The following SNTB1 variants were observed in gnomAD, a reference collection of about 807,000 sequenced individuals.
The protein encoded by SNTB1 is syntrophin beta 1, also known as beta-1-syntrophin.
In SNTB1, 36 loss-of-function variants were observed where a neutral mutation model predicts 48.9. That is an observed-to-expected ratio of 0.74 (90% confidence interval 0.56 to 0.97). The LOEUF (loss-of-function observed/expected upper bound fraction) is 0.97, where lower values mean the gene tolerates loss of function less well. Ranked by LOEUF, SNTB1 falls within the 50% of genes least tolerant of loss-of-function variation. SNTB1 has a pLI of 0.00. For synonymous variants in SNTB1, 299 were observed against 294.6 expected (o/e 1.01, Z -0.15); for missense variants, 786 against 703.4 (o/e 1.12, Z -1.33).
rs990499069 is a variant in SNTB1 at position 120,536,971 on chromosome 8, G to A, written c.*1906C>T. 1.1e-4 allele frequency: 16 copies of A among 151,802 alleles called. No individual in the cohort carries two copies. The highest frequency in any genetic ancestry group is 1.9e-4 in the Non-Finnish European group (13 of 67,918). 9.4% of individuals were successfully genotyped at this position (151,802 alleles called of 1,614,324 possible). A position where few individuals can be genotyped will look rare whatever the true frequency, so the allele number is the denominator to read the frequency against. On this transcript the variant is annotated 3_prime_UTR_variant, in exon 7 of 7. Transcript: ENST00000517992. Reference sequence around the variant, plus strand: ...TACAATACACAATTATAATTCTCTTGTATAACAACATTCCAGTGATTTTGA... The same window carrying A: ...TACAATACACAATTATAATTCTCTTATATAACAACATTCCAGTGATTTTGA...
intron 1 of SNTB1, among the ~76,000 whole-genome samples, chr8:120,808,861 T>C (rs568994650): frequency 6.6e-6 from 1 of 152,252 alleles, no homozygotes; most frequent in South Asian, 2.1e-4. Context: ...AATCTCCATT[T>C]ACTCCCCCAA....
chr8:120,555,281 C>G (rs1815548433), intron 4 of SNTB1, among the ~76,000 whole-genome samples: 2 of 152,134 alleles, frequency 1.3e-5, no homozygotes, highest in African/African-American at 4.8e-5. Flanking sequence ...ACAGGGGTCT[C>G]CGAGCAGAAA....
At chr8:120,798,514 C>G (rs1820159836) in intron 1 of SNTB1, among the ~76,000 whole-genome samples, 1 of 152,096 alleles carries the variant, frequency 6.6e-6, no homozygotes, top group African/African-American at 2.4e-5. Flanking sequence ...GAAGAACTAT[C>G]TGAACCAAAA....
chr8:120,669,514 G>A (rs1244217666), intron 2 of SNTB1, among the ~76,000 whole-genome samples: 2 of 35,924 alleles, frequency 5.6e-5, no homozygotes, highest in South Asian at 6.9e-4. Flanking sequence ...CTGCAGTGGC[G>A]CAATCTCGGC....
chr8:120,692,820 A>G (rs1818150836), intron 2 of SNTB1, among the ~76,000 whole-genome samples: 1 of 152,222 alleles, frequency 6.6e-6, no homozygotes, highest in South Asian at 2.1e-4. Flanking sequence ...TCTAACATTA[A>G]TAAGAAATAT....
intron 1 of SNTB1, among the ~76,000 whole-genome samples, chr8:120,721,429 A>C (rs1818656877): frequency 6.6e-6 from 1 of 152,188 alleles, no homozygotes; most frequent in Admixed American, 6.6e-5. Context: ...ACCTGTGTGG[A>C]CCATGATCCC....
At chr8:120,678,936 C>T (rs554763930) in intron 2 of SNTB1, among the ~76,000 whole-genome samples, 180 of 152,302 alleles carry the variant, frequency 1.2e-3, no homozygotes, top group African/African-American at 3.7e-3. Flanking sequence ...GATTCCATGG[C>T]GGAAGAAAAA....
At chr8:120,651,009 T>A (rs1195283075) in intron 2 of SNTB1, among the ~76,000 whole-genome samples, 2 of 152,214 alleles carry the variant, frequency 1.3e-5, no homozygotes, top group East Asian at 1.9e-4. Context: ...CTCAATATAC[T>A]TGTCTATTGA....
At chr8:120,583,290 A>C (rs1816077900) in intron 3 of SNTB1, among the ~76,000 whole-genome samples, 1 of 152,004 alleles carries the variant, frequency 6.6e-6, no homozygotes, top group African/African-American at 2.4e-5. Context: ...GGATCACCTG[A>C]GGTCAGGAGG....
rs73317296 is a variant in SNTB1 at position 120,541,495 on chromosome 8, G to T, written c.1524+315C>A. On this transcript the variant is annotated intron_variant, in intron 6 of 6. Coordinates refer to ENST00000517992, the MANE Select transcript of SNTB1 (RefSeq NM_021021.4). ...GCACAATGCCAAGGTTATATGAGACGCTTGATACTTTTCAAAACTGCAGGG... is the reference window on the plus strand; with the variant it reads ...GCACAATGCCAAGGTTATATGAGACTCTTGATACTTTTCAAAACTGCAGGG... Among the ~76,000 whole-genome samples, 1,149 of 152,240 alleles carry T rather than the reference G, an allele frequency of 7.5e-3. 18 individuals carry two copies. The highest frequency in any genetic ancestry group is 0.026 in the African/African-American group (1,091 of 41,520).
At chr8:120,623,874 G>C (rs1816830398) in intron 3 of SNTB1, among the ~76,000 whole-genome samples, 1 of 152,236 alleles carries the variant, frequency 6.6e-6, no homozygotes, top group South Asian at 2.1e-4. Context: ...GAGTCTGCTA[G>C]CCACGTGCAT....
intron 2 of SNTB1, among the ~76,000 whole-genome samples, chr8:120,680,318 C>T (rs1817909686): frequency 6.6e-6 from 1 of 152,184 alleles, no homozygotes; most frequent in African/African-American, 2.4e-5. Flanking sequence ...GATGCAGCCT[C>T]AACATCCAGC....
intron 1 of SNTB1, among the ~76,000 whole-genome samples, chr8:120,727,768 T>A (rs1022201314): frequency 2.6e-5 from 4 of 152,182 alleles, no homozygotes; most frequent in Non-Finnish European, 5.9e-5. Flanking sequence ...GAATTTTCAG[T>A]TCATTGATTG....
chr8:120,659,895 A>G (rs1385409770), intron 2 of SNTB1, among the ~76,000 whole-genome samples: 1 of 152,190 alleles, frequency 6.6e-6, no homozygotes, highest in Non-Finnish European at 1.5e-5. Flanking sequence ...CTCCTTGTAT[A>G]TCTCCATCAT....
intron 4 of SNTB1, among the ~76,000 whole-genome samples, chr8:120,550,161 A>C (rs1815455184): frequency 6.6e-6 from 1 of 152,208 alleles, no homozygotes; most frequent in Admixed American, 6.5e-5. Flanking sequence ...TTTACTTACA[A>C]AGTTAAAATT....
intron 2 of SNTB1, among the ~76,000 whole-genome samples, chr8:120,676,856 G>C (rs1464090264): frequency 6.6e-6 from 1 of 152,082 alleles, no homozygotes. Flanking sequence ...AGGAGTTCAA[G>C]AGCAGCCTGG....
intron 3 of SNTB1, among the ~76,000 whole-genome samples, chr8:120,596,251 T>C (rs1816322980): frequency 1.3e-5 from 2 of 151,936 alleles, no homozygotes. Flanking sequence ...TTCACAAAGG[T>C]CGACATTCAC....
At chr8:120,656,807 T>A (rs542644716) in intron 2 of SNTB1, among the ~76,000 whole-genome samples, 2 of 152,320 alleles carry the variant, frequency 1.3e-5, no homozygotes, top group African/African-American at 4.8e-5. Context: ...ACGGAATAAT[T>A]TTTTAGCATT....
intron 3 of SNTB1, among the ~76,000 whole-genome samples, chr8:120,615,246 C>T (rs971619405): frequency 5.3e-5 from 8 of 152,166 alleles, no homozygotes; most frequent in South Asian, 2.1e-4. Context: ...CTGGCATTAG[C>T]GTCGCCAGAG....
Sources: gnomAD v4.1 joint callset for allele counts (sites outside exome capture counted in the v4.1 genomes callset) on GRCh38, gnomAD v4.1.1 for gene constraint, MANE v1.5 for transcripts, NCBI Gene and HGNC (gene_info 2026-07-23, HGNC 2026-07-21) for gene names.